The following PPP6R1 variants were observed in gnomAD, a reference collection of about 807,000 sequenced individuals.
PPP6R1 encodes protein phosphatase 6 regulatory subunit 1.
A neutral mutation model predicts 104.6 loss-of-function variants in PPP6R1; 39 were observed. That is an observed-to-expected ratio of 0.37 (90% CI 0.29 to 0.49). PPP6R1 has a LOEUF of 0.49. Among genes scored for constraint, PPP6R1 ranks in the 20% least tolerant of loss-of-function variants. The probability of loss-of-function intolerance (pLI) is 0.98; values close to 1 mark genes in which losing one functional copy is unlikely to be tolerated. For synonymous variants in PPP6R1, 549 were observed against 479.0 expected (o/e 1.15, Z -1.91); for missense variants, 1,181 against 1,155.8 (o/e 1.02, Z -0.32).
At chr19:55,238,315 G>A (rs865976998) in intron 15 of PPP6R1, among the ~76,000 whole-genome samples, 5 of 152,326 alleles carry the variant, frequency 3.3e-5, no homozygotes, top group Middle Eastern at 3.4e-3. Flanking sequence ...AGGATATCAC[G>A]TCTGCATCTG....
rs1281161764 is a variant in PPP6R1 at position 55,242,298 on chromosome 19, G to A, written c.732-19C>T. 2 of 1,613,646 alleles carry A rather than the reference G, an allele frequency of 1.2e-6. No individual in the cohort carries two copies. The highest frequency in any genetic ancestry group is 2.2e-5 in the East Asian group (1 of 44,884). ...CTCCTGCCTGCGGGGGCAGGGGCAG[G>A]GGTCAGGGTGAGGGGCCAGGGGCCC... On this transcript the variant is annotated intron_variant, in intron 6 of 23. Coordinates refer to ENST00000412770, the MANE Select transcript of PPP6R1 (RefSeq NM_014931.4).
chr19:55,231,297 G>C (rs965885726), intron 21 of PPP6R1, 113 bp downstream of exon 21: 1 of 1,257,310 alleles, frequency 8.0e-7, no homozygotes, highest in African/African-American at 1.5e-5. Flanking sequence ...GCGCCTGGGG[G>C]TCCTGCAAAG....
intron 1 of PPP6R1, among the ~76,000 whole-genome samples, 199 bp downstream of exon 1, chr19:55,258,236 G>A (rs1200867936): frequency 6.6e-6 from 1 of 152,158 alleles, no homozygotes; most frequent in African/African-American, 2.4e-5. Context: ...CTGAGGTGAA[G>A]AGATTAAGAG....
In PPP6R1 at chr19:55,230,392, T is replaced by G; in HGVS notation, c.*136A>C. ...GCCTGTCTCCCTGGCACCAGCCTCC[T>G]GGGGGTCCAGAGGAGAGAATGTGGG... On this transcript the variant is annotated 3_prime_UTR_variant, in exon 24 of 24. Coordinates refer to ENST00000412770, the MANE Select transcript of PPP6R1 (RefSeq NM_014931.4). 1 of 1,354,044 alleles carries G rather than the reference T, an allele frequency of 7.4e-7. No homozygotes were observed. Among genetic ancestry groups the G allele is most frequent in the Non-Finnish European group, 1.0e-6 (1 of 983,332 alleles). The allele number at this position is 1,354,044 out of a possible 1,614,324, so 83.9% of individuals were successfully genotyped here.
At chr19:55,228,651 C>T (rs181898731), downstream of PPP6R1, 1 of 1,596,840 alleles carries the variant, frequency 6.3e-7, no homozygotes, top group East Asian at 2.3e-5. Flanking sequence ...TTCCAGGGCC[C>T]TGTCCCCCCA....
intron 17 of PPP6R1, among the ~76,000 whole-genome samples, chr19:55,234,314 A>G (rs55734554): frequency 0.39 from 59,357 of 152,066 alleles, 12,140 homozygotes; most frequent in East Asian, 0.7. Flanking sequence ...GGATAAAAAC[A>G]ACACACAGAC....
chr19:55,242,738 G>A, intron 5 of PPP6R1: 1 of 496,658 alleles, frequency 2.0e-6, no homozygotes, highest in Admixed American at 3.3e-5. Flanking sequence ...CCGCATACAG[G>A]GCTGGCAGCA....
intron 1 of PPP6R1, among the ~76,000 whole-genome samples, chr19:55,248,115 A>G (rs2087525629): frequency 6.6e-6 from 1 of 152,156 alleles, no homozygotes; most frequent in African/African-American, 2.4e-5. Context: ...GTACTACATC[A>G]CTGCTCCGCA....
At chr19:55,240,617 TCA>T (rs536982481) in intron 10 of PPP6R1, among the ~76,000 whole-genome samples, 24 of 145,726 alleles carry the variant, frequency 1.6e-4, no homozygotes, top group South Asian at 6.6e-4. Flanking sequence ...TCGTGTGCAC[TCA>T]CACACATACA....
chr19:55,244,619 A>G (rs1469432562), intron 5 of PPP6R1, among the ~76,000 whole-genome samples: 1 of 152,260 alleles, frequency 6.6e-6, no homozygotes, highest in African/African-American at 2.4e-5. Flanking sequence ...TGGGTCATGA[A>G]AAAAACCTTT....
At chr19:55,256,560 C>G (rs552348797) in intron 1 of PPP6R1, among the ~76,000 whole-genome samples, 1 of 152,362 alleles carries the variant, frequency 6.6e-6, no homozygotes, top group South Asian at 2.1e-4. Flanking sequence ...CCTATAATCC[C>G]AGCTCTCTGG....
chr19:55,230,737 C>CCCCGG, intron 22 of PPP6R1, 37 bp downstream of exon 22: 2 of 1,470,256 alleles, frequency 1.4e-6, no homozygotes, highest in Non-Finnish European at 1.8e-6. Flanking sequence ...CCACCAGCCC[C>CCCCGG]ACCCCCACCC....
rs772641367 is a variant in PPP6R1, at chr19:55,245,617, C to G, written c.289G>C (p.Gly97Arg). Reference protein sequence around the residue: ...SDVPQINDALGADESLLNRLY... With the variant: ...SDVPQINDALRADESLLNRLY... ...CGGTTCAGAAGGGACTCATCAGCACCCAGGGCATCATTGATCTGGGGCACA... is the reference window on the plus strand; with the variant it reads ...CGGTTCAGAAGGGACTCATCAGCACGCAGGGCATCATTGATCTGGGGCACA... Residue 97 changes from glycine to arginine, a missense_variant, in exon 3 of 24, where the codon GGT (glycine) becomes CGT (arginine). Coordinates refer to ENST00000412770, the MANE Select transcript of PPP6R1 (RefSeq NM_014931.4). The surrounding 1 kb of genome is among the most constrained non-coding windows in gnomAD (Gnocchi z 6.4). 6.2e-7 allele frequency: 1 copy of G among 1,611,864 alleles called. No individual in the cohort carries two copies. The highest frequency in any genetic ancestry group is 8.5e-7 in the Non-Finnish European group (1 of 1,179,784).
Position 55,231,808 on chromosome 19 carries a change from T to G in PPP6R1, c.2300A>C (p.Gln767Pro). The part of the protein sequence containing the change: ...LASPPARDAL[Q>P]LRSQDPTPPS... ...CGTTCCATCCGGTTCTCACCTGAGC[T>G]GCAGGGCGTCACGGGCAGGAGGGCT... The change falls in exon 19 of 24, where the codon CAG (glutamine) becomes CCG (proline). Residue 767 changes from glutamine (Q) to proline (P), a missense_variant. Coordinates refer to ENST00000412770, the MANE Select transcript of PPP6R1 (RefSeq NM_014931.4). 1 of 1,501,334 alleles carries G rather than the reference T, an allele frequency of 6.7e-7. No individual in the cohort carries two copies. The highest frequency in any genetic ancestry group is 1.4e-5 in the South Asian group (1 of 72,922). 93.0% of individuals were successfully genotyped at this position (1,501,334 alleles called of 1,614,324 possible). A position where few individuals can be genotyped will look rare whatever the true frequency, so the allele number is the denominator to read the frequency against.
At chr19:55,231,039 G>T in intron 21 of PPP6R1, 155 bp from the exon 22 acceptor site, 1 of 682,010 alleles carries the variant, frequency 1.5e-6, no homozygotes, top group South Asian at 1.7e-5. Context: ...GGCTCAGCGT[G>T]GAGGGACAGC....
chr19:55,242,497 G>C lies in PPP6R1; in HGVS notation c.619-9C>G. 1 of 1,608,130 alleles carries C rather than the reference G, an allele frequency of 6.2e-7. No individual in the cohort carries two copies. Among genetic ancestry groups the C allele is most frequent in the Non-Finnish European group, 8.5e-7 (1 of 1,174,702 alleles). ...GATGCGTTGGAATGTTGCTGGAACG[G>C]GGAGAGACAGGTGAGGATCCTGGTC... On this transcript the variant is annotated splice_polypyrimidine_tract_variant and intron_variant, in intron 5 of 23. Coordinates refer to ENST00000412770, the MANE Select transcript of PPP6R1 (RefSeq NM_014931.4).
intron 15 of PPP6R1, among the ~76,000 whole-genome samples, chr19:55,238,107 C>G (rs948461186): frequency 2.6e-5 from 4 of 152,048 alleles, no homozygotes; most frequent in Non-Finnish European, 4.4e-5. Flanking sequence ...CACAATGTTG[C>G]CCAGGCTGGG....
At chr19:55,253,294 G>T (rs1382355048) in intron 1 of PPP6R1, among the ~76,000 whole-genome samples, 1 of 152,258 alleles carries the variant, frequency 6.6e-6, no homozygotes, top group Non-Finnish European at 1.5e-5. Context: ...GAGGCTTCCA[G>T]TGTGCCCTGG....
At chr19:55,252,720 T>C (rs1221193690) in intron 1 of PPP6R1, among the ~76,000 whole-genome samples, 1 of 152,088 alleles carries the variant, frequency 6.6e-6, no homozygotes, top group Admixed American at 6.6e-5. Flanking sequence ...ATTTTTTTAG[T>C]ACAGACGGGG....
Sources: allele counts gnomAD v4.1 joint callset (sites outside exome capture counted in the v4.1 genomes callset), GRCh38; gene constraint gnomAD v4.1.1; non-coding constraint Gnocchi (gnomAD v3.1); transcripts MANE v1.5; gene names NCBI Gene and HGNC (gene_info 2026-07-23, HGNC 2026-07-21).